The following LOC730098 variants were observed in gnomAD, a reference collection of about 807,000 sequenced individuals.
the LOC730098 span, chr9:34,665,014 T>G: frequency 1.8e-6 from 1 of 570,712 alleles, no homozygotes; most frequent in Non-Finnish European, 3.1e-6. Context: ...AGTCAGGAGG[T>G]CAGTACGGTG....
At chr9:34,665,178 G>C in the LOC730098 span, 1 of 639,648 alleles carries the variant, frequency 1.6e-6, no homozygotes, top group Non-Finnish European at 2.8e-6. Flanking sequence ...TCTGCTCCCC[G>C]GGGTGCGCCG....
the LOC730098 span, chr9:34,665,013 G>A: frequency 3.4e-6 from 2 of 583,784 alleles, no homozygotes; most frequent in Admixed American, 3.3e-5. Flanking sequence ...GAGTCAGGAG[G>A]TCAGTACGGT....
At chr9:34,666,023 C>G in the LOC730098 span, 1 of 329,802 alleles carries the variant, frequency 3.0e-6, no homozygotes, top group Admixed American at 4.7e-5. Flanking sequence ...AACTCCCGCC[C>G]TCCCTGGCTC....
At chr9:34,664,296 C>T in the LOC730098 span, 2 of 152,238 alleles carry the variant, frequency 1.3e-5, no homozygotes, top group South Asian at 2.1e-4. Context: ...AAGTCTTCTC[C>T]CCAGCCACAA....
chr9:34,666,038 C>T, the LOC730098 span: 1 of 320,086 alleles, frequency 3.1e-6, no homozygotes, highest in South Asian at 3.5e-5. Flanking sequence ...TGGCTCCACC[C>T]CGGAAACGGA....
At chr9:34,665,601 G>T in the LOC730098 span, 1 of 473,356 alleles carries the variant, frequency 2.1e-6, no homozygotes, top group South Asian at 1.6e-5. Context: ...CGCAGAACCC[G>T]CCTCCACTCA....
At chr9:34,665,501 C>G in the LOC730098 span, 2 of 697,340 alleles carry the variant, frequency 2.9e-6, no homozygotes, top group South Asian at 1.5e-5. Context: ...GCTCCCTTCG[C>G]GCCCACGCCC....
At chr9:34,665,790 G>A in the LOC730098 span, 3 of 642,656 alleles carry the variant, frequency 4.7e-6, no homozygotes, top group Non-Finnish European at 5.6e-6. Flanking sequence ...TGATGCCCCC[G>A]AGAAGCCTCA....
chr9:34,665,240 T>TC, the LOC730098 span: 5 of 689,244 alleles, frequency 7.3e-6, no homozygotes, highest in African/African-American at 5.3e-5. Flanking sequence ...GCTACCGGAT[T>TC]CCCCCCGATG....
At chr9:34,664,849 T>C in the LOC730098 span, 5 of 412,890 alleles carry the variant, frequency 1.2e-5, no homozygotes, top group African/African-American at 6.2e-5. Flanking sequence ...GGGGTTGGGA[T>C]TGGGGGAGAC....
the LOC730098 span, chr9:34,665,353 T>C: frequency 1.5e-6 from 1 of 671,230 alleles, no homozygotes. Context: ...GGGGAAAAAG[T>C]AGAAACAGCC....
the LOC730098 span, chr9:34,665,345 G>A: frequency 2.9e-6 from 2 of 689,332 alleles, no homozygotes; most frequent in South Asian, 1.5e-5. Flanking sequence ...CGAAGCCAGG[G>A]GAAAAAGTAG....
At chr9:34,665,152 C>T in the LOC730098 span, 1 of 623,258 alleles carries the variant, frequency 1.6e-6, no homozygotes, top group Non-Finnish European at 2.9e-6. Flanking sequence ...CATCAGGCCT[C>T]GCAGAGGCTC....
chr9:34,665,377 C>G, the LOC730098 span: 2 of 695,652 alleles, frequency 2.9e-6, no homozygotes, highest in Non-Finnish European at 5.2e-6. Flanking sequence ...GTAGATCCTG[C>G]AGAGAGAGGG....
At chr9:34,664,569 G>C in the LOC730098 span, 1 of 153,426 alleles carries the variant, frequency 6.5e-6, no homozygotes, top group African/African-American at 2.4e-5. Flanking sequence ...CTCTAAACTT[G>C]GGATCAGACT....
the LOC730098 span, chr9:34,665,288 G>A: frequency 3.8e-5 from 27 of 702,254 alleles, no homozygotes; most frequent in East Asian, 6.2e-4. Context: ...GCCCGGGGCG[G>A]GTCCGCGGTA....
the LOC730098 span, chr9:34,665,370 G>A: frequency 1.8e-6 from 1 of 547,460 alleles, no homozygotes; most frequent in Non-Finnish European, 3.5e-6. Context: ...AGCCCCAGTA[G>A]ATCCTGCAGA....
At chr9:34,664,964 G>A in the LOC730098 span, 5 of 558,700 alleles carry the variant, frequency 8.9e-6, no homozygotes, top group Non-Finnish European at 1.6e-5. Flanking sequence ...GAGCCCGTGT[G>A]GGGAGGGGCG....
the LOC730098 span, chr9:34,665,325 C>G: frequency 2.8e-6 from 2 of 702,264 alleles, no homozygotes; most frequent in Admixed American, 4.0e-5. Context: ...TCCGCTCCCT[C>G]CGCCACATGC....
Sources: gnomAD v4.1 joint callset for allele counts on GRCh38, gnomAD v4.1.1 for gene constraint, MANE v1.5 for transcripts.